Variants in ACOT12 observed in about 807,000 individuals in gnomAD.
ACOT12 encodes the protein acyl-CoA thioesterase 12.
ACOT12 carries 51 observed loss-of-function variants against 67.7 expected under a neutral mutation model. The ratio of observed to expected loss-of-function variants is 0.75; its 90% CI spans 0.60 to 0.95. The LOEUF is 0.95. Among genes scored for constraint, ACOT12 ranks in the 40% least tolerant of loss-of-function variants. The pLI is 0.00. For synonymous variants in ACOT12, 251 were observed against 244.6 expected (o/e 1.03, Z -0.24); for missense variants, 734 against 708.1 (o/e 1.04, Z -0.41).
the ACOT12 span, among the ~76,000 whole-genome samples, chr5:81,321,776 G>A: frequency 2.0e-5 from 3 of 152,180 alleles, no homozygotes; most frequent in East Asian, 3.9e-4. Flanking sequence ...GTGAAACCCC[G>A]ACACTACTAA....
chr5:81,361,094 A>G (rs947613661), intron 4 of ACOT12, among the ~76,000 whole-genome samples: 5 of 151,390 alleles, frequency 3.3e-5, no homozygotes, highest in African/African-American at 7.3e-5. Context: ...AAAAAAAAAA[A>G]AAAAAGAAAT....
intron 2 of ACOT12, among the ~76,000 whole-genome samples, chr5:81,377,168 T>C (rs544093682): frequency 2.0e-5 from 3 of 152,320 alleles, no homozygotes; most frequent in South Asian, 4.1e-4. Flanking sequence ...ATCCCTGGGA[T>C]GCAAGGCTGG....
chr5:81,388,086 C>A (rs1456616439), intron 1 of ACOT12, among the ~76,000 whole-genome samples: 1 of 151,990 alleles, frequency 6.6e-6, no homozygotes, highest in Non-Finnish European at 1.5e-5. Flanking sequence ...ATTATTAGCT[C>A]CCTTTTATAA....
chr5:81,381,591 G>T (rs1481097952), intron 2 of ACOT12, among the ~76,000 whole-genome samples: 1 of 151,940 alleles, frequency 6.6e-6, no homozygotes, highest in Non-Finnish European at 1.5e-5. Context: ...AAATAACATG[G>T]ATACATATAA....
chr5:81,385,871 G>A (rs769034343), intron 1 of ACOT12, 45 bp from the exon 2 acceptor site: 1 of 1,550,458 alleles, frequency 6.4e-7, no homozygotes, highest in South Asian at 1.1e-5. Flanking sequence ...GGTGATATGA[G>A]AATATTTCAG....
chr5:81,317,736 G>A, the ACOT12 span, among the ~76,000 whole-genome samples: 564 of 152,172 alleles, frequency 3.7e-3, 15 homozygotes, highest in Admixed American at 0.031. Flanking sequence ...AGTCTGCCCC[G>A]ATGATTGAAT....
chr5:81,357,619 T>C (rs1759757950), intron 5 of ACOT12, among the ~76,000 whole-genome samples: 1 of 152,178 alleles, frequency 6.6e-6, no homozygotes, highest in Admixed American at 6.5e-5. Context: ...GGGTGGAGAA[T>C]GACCTTGAGA....
At chr5:81,360,109 AC>A in intron 4 of ACOT12, 71 bp from the exon 5 acceptor site, 1 of 1,475,290 alleles carries the variant, frequency 6.8e-7, no homozygotes, top group Non-Finnish European at 9.2e-7. Context: ...ATTTTGCAAA[AC>A]AAATGATATG....
intron 5 of ACOT12, among the ~76,000 whole-genome samples, chr5:81,351,193 C>A (rs1190207383): frequency 6.6e-6 from 1 of 152,184 alleles, no homozygotes; most frequent in East Asian, 1.9e-4. Flanking sequence ...ATCTTAATCC[C>A]TTTCAATTTC....
Position 81,330,442 on chromosome 5 carries a change from T to C in ACOT12, c.1620A>G (p.Ile540Met). ...KSIEETAASC[I>M]QFLENPPDDG... ...CATCAGGAGGATTCTCTAAGAACTG[T>C]ATACAAGAGGCTGCTGTTTCTTCAA... The change falls in exon 15 of 15, where the codon ATA becomes ATG. Residue 540 changes from isoleucine (I) to methionine (M), a missense_variant. Physicochemically the swap from Ile to Met is conservative, Grantham distance 10 (BLOSUM62 1). Coordinates refer to ENST00000307624, the MANE Select transcript of ACOT12 (RefSeq NM_130767.3). 6 of 1,614,136 alleles carry C rather than the reference T, an allele frequency of 3.7e-6. No individual in the cohort carries two copies. The highest frequency in any genetic ancestry group is 5.1e-6 in the Non-Finnish European group (6 of 1,179,990).
At chr5:81,308,928 A>G in the ACOT12 span, 1 of 1,605,286 alleles carries the variant, frequency 6.2e-7, no homozygotes, top group Non-Finnish European at 8.5e-7. Context: ...ACTGAATAGG[A>G]ACTGTTGATT....
chr5:81,351,864 C>T (rs115850937), intron 5 of ACOT12, among the ~76,000 whole-genome samples: 8,292 of 151,858 alleles, frequency 0.055, 321 homozygotes, highest in Non-Finnish European at 0.084. Context: ...ATCTGATAAG[C>T]GATTAATAAC....
intron 3 of ACOT12, among the ~76,000 whole-genome samples, chr5:81,364,497 G>A (rs1003336814): frequency 6.6e-6 from 1 of 151,460 alleles, no homozygotes; most frequent in Admixed American, 6.6e-5. Flanking sequence ...GCACGATCTT[G>A]GCTCACTGCA....
chr5:81,345,096 TCCTTGCACACCGCTGCCA>T, intron 7 of ACOT12, 55 bp from the exon 8 acceptor site: 1 of 1,591,056 alleles, frequency 6.3e-7, no homozygotes, highest in South Asian at 1.1e-5. Context: ...CATCAGGCCC[TCCTTGCACACCGCTGCCA>T]CCTCCTCGCC....
intron 5 of ACOT12, among the ~76,000 whole-genome samples, chr5:81,348,249 G>C (rs1211853438): frequency 6.6e-6 from 1 of 152,174 alleles, no homozygotes; most frequent in Non-Finnish European, 1.5e-5. Flanking sequence ...GGTAGGGACA[G>C]ATCAGGACAG....
chr5:81,336,463 G>A (rs915481119), intron 11 of ACOT12, among the ~76,000 whole-genome samples: 8 of 152,068 alleles, frequency 5.3e-5, no homozygotes, highest in Non-Finnish European at 1.2e-4. Flanking sequence ...TTTCATTTCC[G>A]AATCACAGTG....
intron 5 of ACOT12, among the ~76,000 whole-genome samples, chr5:81,356,409 T>C (rs1424481805): frequency 6.6e-6 from 1 of 152,172 alleles, no homozygotes; most frequent in African/African-American, 2.4e-5. Flanking sequence ...AGTAGGTTTG[T>C]CTTTCTGGAT....
chr5:81,368,425 A>T (rs577578814), intron 3 of ACOT12, among the ~76,000 whole-genome samples: 21 of 152,298 alleles, frequency 1.4e-4, no homozygotes, highest in African/African-American at 5.1e-4. Flanking sequence ...ACATTCACCA[A>T]AATAGTCCAT....
intron 3 of ACOT12, among the ~76,000 whole-genome samples, chr5:81,364,704 G>T (rs567173081): frequency 6.6e-6 from 1 of 152,270 alleles, no homozygotes; most frequent in African/African-American, 2.4e-5. Context: ...TGGGATTACA[G>T]GGGTGAGCCA....
Sources: allele counts gnomAD v4.1 joint callset (sites outside exome capture counted in the v4.1 genomes callset), GRCh38; gene constraint gnomAD v4.1.1; transcripts MANE v1.5; gene names NCBI Gene and HGNC (gene_info 2026-07-23, HGNC 2026-07-21).